The following NEMF variants were observed in gnomAD, a reference collection of about 807,000 sequenced individuals.
The protein encoded by NEMF is nuclear export mediator factor.
NEMF carries 89 observed loss-of-function variants against 162.2 expected under a neutral mutation model. That is an observed-to-expected ratio of 0.55 (90% confidence interval 0.46 to 0.65). The LOEUF is 0.65. Ranked by LOEUF, NEMF falls within the 30% of genes least tolerant of loss-of-function variation. The pLI is 0.00. For synonymous variants in NEMF, 421 were observed against 404.5 expected, an observed-to-expected ratio of 1.04 and a Z score of -0.49; for missense variants, 1,133 against 1,261.9, an observed-to-expected ratio of 0.90 and a Z score of 1.55.
intron 22 of NEMF, chr14:49,801,513 G>GT (rs1890955975): frequency 6.6e-6 from 1 of 151,784 alleles, no homozygotes; most frequent in Non-Finnish European, 1.5e-5. Flanking sequence ...AGAAAAGAAT[G>GT]TAAATAAGGC....
At chr14:49,841,196 CAAAAAAAAAAAA>C (rs34039009) in intron 4 of NEMF, among the ~76,000 whole-genome samples, 1 of 56,800 alleles carries the variant, frequency 1.8e-5, no homozygotes, top group Non-Finnish European at 3.1e-5. Flanking sequence ...AACTCTGTCT[CAAAAAAAAAAAA>C]AAAAAAAAAG....
chr14:49,840,951 C>A, intron 4 of NEMF, 85 bp from the exon 5 acceptor site: 3 of 1,198,038 alleles, frequency 2.5e-6, no homozygotes, highest in Non-Finnish European at 3.5e-6. Flanking sequence ...AACCCCAGCA[C>A]TGTGGAAGGC....
intron 11 of NEMF, 104 bp downstream of exon 11, chr14:49,831,195 A>C (rs746538233): frequency 1.2e-5 from 8 of 674,142 alleles, no homozygotes; most frequent in Non-Finnish European, 1.8e-5. Flanking sequence ...GAGTTCCCAT[A>C]CTACTTCTTA....
intron 16 of NEMF, among the ~76,000 whole-genome samples, chr14:49,823,508 T>G (rs1212167818): frequency 6.6e-6 from 1 of 151,608 alleles, no homozygotes; most frequent in Non-Finnish European, 1.5e-5. Context: ...AAATATTCAG[T>G]GGAAAGATTT....
rs908527701 is a variant in NEMF, at chr14:49,836,378, G to A, written c.574+1761C>T. ...TTTTATAAGGAAATGCTGGCCGAGC[G>A]CAGTTGCTCACGCCTGTAATCCCAG... On this transcript the variant is annotated intron_variant, in intron 6 of 32. Transcript: ENST00000298310. Among the ~76,000 whole-genome samples the A allele has an allele frequency of 3.3e-5, 5 of 152,312 alleles. No homozygotes were observed. In the South Asian group the frequency reaches 8.3e-4, roughly 25 times the overall value.
chr14:49,838,585 G>A (rs1428203782), intron 5 of NEMF, among the ~76,000 whole-genome samples: 4 of 129,836 alleles, frequency 3.1e-5, no homozygotes, highest in Admixed American at 7.8e-5. Context: ...TTTTTGTTTG[G>A]TTTTTTTTTT....
At chr14:49,786,977 A>G (rs1046526230) in intron 28 of NEMF, 15 of 472,254 alleles carry the variant, frequency 3.2e-5, no homozygotes, top group Non-Finnish European at 4.5e-5. Context: ...ATTCAAGAGA[A>G]GAAGGGTAGT....
chr14:49,830,711 C>T (rs949561871), intron 11 of NEMF, among the ~76,000 whole-genome samples: 5 of 152,262 alleles, frequency 3.3e-5, no homozygotes, highest in African/African-American at 1.2e-4. Flanking sequence ...TTTTTGCACA[C>T]ATATTTTAAG....
intron 32 of NEMF, 28 bp downstream of exon 32, chr14:49,784,897 A>G (rs572038171): frequency 6.3e-7 from 1 of 1,580,744 alleles, no homozygotes; most frequent in African/African-American, 1.3e-5. Flanking sequence ...GTCAGTCTCC[A>G]CATTCCTTTT....
At chr14:49,789,100 G>A in intron 28 of NEMF, 46 bp downstream of exon 28, 1 of 1,500,710 alleles carries the variant, frequency 6.7e-7, no homozygotes, top group Non-Finnish European at 9.2e-7. Flanking sequence ...CTCCAGGATG[G>A]GTAATCACCC....
intron 18 of NEMF, among the ~76,000 whole-genome samples, chr14:49,809,508 A>G (rs759738604): frequency 5.9e-5 from 9 of 152,176 alleles, no homozygotes; most frequent in African/African-American, 9.7e-5. Flanking sequence ...AATCTGTATG[A>G]TAATACAATG....
chr14:49,852,589 C>G (rs1893835670), intron 1 of NEMF, 106 bp downstream of exon 1: 1 of 1,240,258 alleles, frequency 8.1e-7, no homozygotes, highest in African/African-American at 1.5e-5. Context: ...TCCATAGACG[C>G]ACTAGGAAAT....
At chr14:49,809,144 C>T (rs1468857819) in intron 18 of NEMF, among the ~76,000 whole-genome samples, 1 of 152,172 alleles carries the variant, frequency 6.6e-6, no homozygotes, top group Non-Finnish European at 1.5e-5. Flanking sequence ...TAAAAATACT[C>T]TTACCATGTG....
In NEMF at chr14:49,784,606, C is replaced by T; in HGVS notation, c.*30G>A. On this transcript the variant is annotated 3_prime_UTR_variant, in exon 33 of 33. Coordinates refer to ENST00000298310, the MANE Select transcript of NEMF (RefSeq NM_004713.6). ...CTTCCAAAAGGCTATAAAATTGGCT[C>T]TTCTCAAATATTTTAGAATTTCATT... 6.5e-7 allele frequency: 1 copy of T among 1,526,806 alleles called. No homozygotes were observed. The highest frequency in any genetic ancestry group is 9.0e-7 in the Non-Finnish European group (1 of 1,107,814). The allele number at this position is 1,526,806 out of a possible 1,614,324, so 94.6% of individuals were successfully genotyped here. A position where few individuals can be genotyped will look rare whatever the true frequency, so the allele number is the denominator to read the frequency against.
intron 6 of NEMF, among the ~76,000 whole-genome samples, chr14:49,836,522 C>T (rs1201104252): frequency 6.6e-6 from 1 of 151,914 alleles, no homozygotes; most frequent in African/African-American, 2.4e-5. Flanking sequence ...GAGTTCATCC[C>T]TGTAGTCCCA....
In NEMF at chr14:49,785,213, A is replaced by AACTT; in HGVS notation, c.3029+3_3029+6dup. The AACTT allele has an allele frequency of 1.9e-6, 3 of 1,610,188 alleles. No individual in the cohort carries two copies. In the East Asian group the frequency reaches 6.7e-5, roughly 36 times the overall value. On this transcript the variant is annotated splice_region_variant and intron_variant, in intron 30 of 32. Coordinates refer to ENST00000298310, the MANE Select transcript of NEMF (RefSeq NM_004713.6). ...AAAAGCCATTCTGTCAACTAATGGT[A>AACTT]ACTTACTTGTAGTTTGTCATGGTGG...
chr14:49,788,250 G>A (rs146036990), intron 28 of NEMF, among the ~76,000 whole-genome samples: 2,321 of 147,106 alleles, frequency 0.016, 59 homozygotes, highest in African/African-American at 0.056. Context: ...CTGCACTCCA[G>A]CCTGGGCAAC....
chr14:49,792,506 C>T (rs1890499114), intron 26 of NEMF, among the ~76,000 whole-genome samples: 1 of 152,084 alleles, frequency 6.6e-6, no homozygotes, highest in Non-Finnish European at 1.5e-5. Flanking sequence ...GCCACCGTGC[C>T]CAGCCACAAT....
At chr14:49,826,903 A>C (rs936923669) in intron 15 of NEMF, among the ~76,000 whole-genome samples, 2 of 152,180 alleles carry the variant, frequency 1.3e-5, no homozygotes, top group Non-Finnish European at 2.9e-5. Context: ...CTCTGATTAA[A>C]TCTCATTTAA....
Sources: gnomAD v4.1 joint callset for allele counts (sites outside exome capture counted in the v4.1 genomes callset) on GRCh38, gnomAD v4.1.1 for gene constraint, MANE v1.5 for transcripts, NCBI Gene and HGNC (gene_info 2026-07-23, HGNC 2026-07-21) for gene names.